The following ANXA10 variants were observed in gnomAD, a reference collection of about 807,000 sequenced individuals.
The protein encoded by ANXA10 is annexin A10.
A neutral mutation model predicts 53.5 loss-of-function variants in ANXA10; 49 were observed. The observed-to-expected ratio is 0.92, with a 90% CI of 0.73 to 1.16. ANXA10 has a LOEUF of 1.16. ANXA10 is among the 50% of genes most tolerant of loss of function. The pLI is 0.00. For synonymous variants in ANXA10, 131 were observed against 128.9 expected (o/e 1.02, Z -0.11); for missense variants, 393 against 394.4 (o/e 1.00, Z 0.03).
chr4:168,109,837 T>C (rs1037756594), intron 1 of ANXA10, among the ~76,000 whole-genome samples: 3 of 152,252 alleles, frequency 2.0e-5, no homozygotes, highest in Non-Finnish European at 4.4e-5. Flanking sequence ...AAATATATTT[T>C]AAAAGCATTT....
At chr4:168,150,830 A>G (rs1351551145) in intron 3 of ANXA10, among the ~76,000 whole-genome samples, 3 of 152,184 alleles carry the variant, frequency 2.0e-5, no homozygotes, top group African/African-American at 4.8e-5. Context: ...GTCTCTAGCC[A>G]GGAAAGAATG....
intron 3 of ANXA10, among the ~76,000 whole-genome samples, chr4:168,156,267 T>C (rs1578923615): frequency 4.1e-5 from 2 of 48,906 alleles, no homozygotes; most frequent in African/African-American, 7.9e-5. Flanking sequence ...ATAATGTATA[T>C]ATTATATATA....
intron 1 of ANXA10, among the ~76,000 whole-genome samples, chr4:168,103,357 G>T (rs1730670565): frequency 6.6e-6 from 1 of 151,896 alleles, no homozygotes; most frequent in African/African-American, 2.4e-5. Context: ...ATGAAGTATA[G>T]GTCAAGCTTA....
intron 8 of ANXA10, among the ~76,000 whole-genome samples, chr4:168,178,758 G>A (rs1158601591): frequency 1.3e-5 from 2 of 152,146 alleles, no homozygotes; most frequent in Non-Finnish European, 2.9e-5. Flanking sequence ...CACCCAAAAA[G>A]TTGATTTCAT....
At chr4:168,173,295 A>G (rs1188579210) in intron 6 of ANXA10, among the ~76,000 whole-genome samples, 1 of 152,200 alleles carries the variant, frequency 6.6e-6, no homozygotes, top group Non-Finnish European at 1.5e-5. Context: ...CTGAGCAAGC[A>G]AAGGAAATGT....
intron 1 of ANXA10, among the ~76,000 whole-genome samples, chr4:168,124,046 A>G (rs555203842): frequency 6.6e-6 from 1 of 152,288 alleles, no homozygotes; most frequent in Non-Finnish European, 1.5e-5. Flanking sequence ...TGTTAATAGG[A>G]CCCATTATTC....
At chr4:168,175,575 C>G (rs1169079542) in intron 6 of ANXA10, among the ~76,000 whole-genome samples, 2 of 152,162 alleles carry the variant, frequency 1.3e-5, no homozygotes, top group African/African-American at 4.8e-5. Flanking sequence ...CCTAAGGTAC[C>G]TGCACCTCAA....
intron 3 of ANXA10, among the ~76,000 whole-genome samples, chr4:168,161,562 A>G (rs1025138484): frequency 6.6e-6 from 1 of 152,166 alleles, no homozygotes; most frequent in African/African-American, 2.4e-5. Context: ...TTGGTTCCAT[A>G]TGAATTTTAA....
At chr4:168,133,234 A>C (rs1359376796) in intron 2 of ANXA10, among the ~76,000 whole-genome samples, 1 of 152,142 alleles carries the variant, frequency 6.6e-6, no homozygotes, top group Non-Finnish European at 1.5e-5. Context: ...TGTGTGTCAC[A>C]TAAACTAAAT....
At position 168,092,690 on chromosome 4, in the gene ANXA10, T is replaced by G; in HGVS notation, c.-11T>G. 1 of 1,592,830 alleles carries G rather than the reference T, an allele frequency of 6.3e-7. No individual in the cohort carries two copies. The highest frequency in any genetic ancestry group is 8.5e-7 in the Non-Finnish European group (1 of 1,170,750). On this transcript the variant is annotated 5_prime_UTR_variant, in exon 1 of 12. Transcript: ENST00000359299. The stretch of plus-strand genomic sequence containing the variant: ...ATATTTTCATCCCTGAGGTTAACAA[T>G]TACCATCAAAATGTTTTGTGGAGAC...
intron 3 of ANXA10, among the ~76,000 whole-genome samples, chr4:168,143,796 G>C (rs934325705): frequency 2.4e-4 from 36 of 152,208 alleles, no homozygotes; most frequent in African/African-American, 8.4e-4. Flanking sequence ...TTAGTGCCGG[G>C]GCTGACTTGC....
chr4:168,177,766 C>G lies in ANXA10; in HGVS notation c.507C>G (p.Asp169Glu), dbSNP rs1473613525. Residue 169 changes from aspartate (D) to glutamate (E), a missense_variant, in exon 7 of 12, where the codon GAC becomes GAG. Physicochemically the swap from Asp to Glu is conservative, Grantham distance 45. Coordinates refer to ENST00000359299, the MANE Select transcript of ANXA10 (RefSeq NM_007193.5). ...GGACCAGAGAGGAAGGATATACAGA[C>G]CCTGCGATGGCTGCTCAGGATGCAA... ...VQGTREEGYT[D>E]PAMAAQDAMV... 6.2e-7 allele frequency: 1 copy of G among 1,614,166 alleles called. No individual in the cohort carries two copies. Among genetic ancestry groups the G allele is most frequent in the East Asian group, 2.2e-5 (1 of 44,876 alleles).
At chr4:168,177,687 T>A in intron 6 of ANXA10, 53 bp from the exon 7 acceptor site, 1 of 1,560,306 alleles carries the variant, frequency 6.4e-7, no homozygotes. Flanking sequence ...ACTAATCCAA[T>A]ATGAGTTGCT....
intron 11 of ANXA10, among the ~76,000 whole-genome samples, chr4:168,186,224 A>C (rs911575360): frequency 9.2e-5 from 14 of 152,258 alleles, no homozygotes; most frequent in African/African-American, 2.7e-4. Context: ...ATACTTAACA[A>C]AGAAACATTT....
At chr4:168,136,550 T>TAATA (rs1731240441) in intron 2 of ANXA10, among the ~76,000 whole-genome samples, 1 of 152,096 alleles carries the variant, frequency 6.6e-6, no homozygotes, top group East Asian at 1.9e-4. Context: ...AATCTTAAAG[T>TAATA]TCCCAAATAA....
intron 11 of ANXA10, 55 bp from the exon 12 acceptor site, chr4:168,187,311 C>A: frequency 1.6e-6 from 2 of 1,219,750 alleles, no homozygotes; most frequent in Non-Finnish European, 2.3e-6. Context: ...ATTATGCTTC[C>A]TTTTTAGAAC....
rs756190993 is a variant in ANXA10 at position 168,139,513 on chromosome 4, T to C, written c.128T>C (p.Ile43Thr). ...FDCDKDMLIN[I>T]LTQRCNAQRM... ...TGTGACAAAGACATGCTGATCAACA[T>C]TCTGACTCAGCGCTGCAATGCACAA... The change falls in exon 3 of 12, where the codon ATT (isoleucine) becomes ACT (threonine). Residue 43 changes from isoleucine (I) to threonine (T), a missense_variant. Physicochemically the swap from Ile to Thr is moderately conservative, Grantham distance 89. Transcript: ENST00000359299. The C allele has an allele frequency of 1.9e-6, 3 of 1,613,036 alleles. No homozygotes were observed. In the Admixed American group the frequency reaches 5.0e-5, roughly 27 times the overall value.
intron 1 of ANXA10, among the ~76,000 whole-genome samples, chr4:168,124,702 C>T (rs1310450825): frequency 6.6e-6 from 1 of 152,166 alleles, no homozygotes; most frequent in Non-Finnish European, 1.5e-5. Flanking sequence ...GGGACATGTT[C>T]ATAAGCCTAG....
chr4:168,151,566 T>C (rs542429352), intron 3 of ANXA10, among the ~76,000 whole-genome samples: 1 of 152,294 alleles, frequency 6.6e-6, no homozygotes, highest in South Asian at 2.1e-4. Context: ...GTCTTCGGAA[T>C]ACAGGAAAGC....
Sources: allele counts gnomAD v4.1 joint callset (sites outside exome capture counted in the v4.1 genomes callset), GRCh38; gene constraint gnomAD v4.1.1; transcripts MANE v1.5; gene names NCBI Gene and HGNC (gene_info 2026-07-23, HGNC 2026-07-21).